The following STAT4 variants were observed in gnomAD, a reference collection of about 807,000 sequenced individuals.
STAT4 encodes signal transducer and activator of transcription 4.
STAT4 carries 42 observed loss-of-function variants against 110.5 expected under a neutral mutation model. That is an observed-to-expected ratio of 0.38 (90% confidence interval 0.30 to 0.49). The LOEUF (loss-of-function observed/expected upper bound fraction) is 0.49, where lower values mean the gene tolerates loss of function less well. Among genes scored for constraint, STAT4 ranks in the 20% least tolerant of loss-of-function variants. The pLI, the probability that STAT4 is intolerant of heterozygous loss-of-function variation, is 0.95. For synonymous variants in STAT4, 284 were observed against 302.2 expected, an observed-to-expected ratio of 0.94 and a Z score of 0.63; for missense variants, 632 against 887.9, an observed-to-expected ratio of 0.71 and a Z score of 3.66.
intron 8 of STAT4, among the ~76,000 whole-genome samples, chr2:191,063,161 T>C: frequency 6.6e-6 from 1 of 152,212 alleles, no homozygotes; most frequent in African/African-American, 2.4e-5. Flanking sequence ...CCTTCAATTA[T>C]ATATGTCATC....
rs1335989493 is a variant in STAT4 at position 191,086,101 on chromosome 2, C to A, written c.274-9776G>T. 6.6e-6 allele frequency among the ~76,000 whole-genome samples: 1 copy of A among 152,142 alleles called. No individual in the cohort carries two copies. Among genetic ancestry groups the A allele is most frequent in the African/African-American group, 2.4e-5 (1 of 41,438 alleles). On this transcript the variant is annotated intron_variant, in intron 3 of 23. Transcript: ENST00000392320. This position sits in a 1 kb window ranked among gnomAD's most constrained non-coding sequence, Gnocchi z 5.5. ...TAATCTCTTTTCTTCTGTAAGAGGA[C>A]ACACTGAAGACACTGGCTATTTTAC...
intron 3 of STAT4, among the ~76,000 whole-genome samples, chr2:191,095,765 G>A (rs1046207087): frequency 1.3e-5 from 2 of 152,136 alleles, no homozygotes; most frequent in African/African-American, 4.8e-5. Context: ...ACTAAGATCA[G>A]AGCAGAACTG....
intron 13 of STAT4, among the ~76,000 whole-genome samples, chr2:191,056,290 T>C (rs931444085): frequency 1.3e-5 from 2 of 151,914 alleles, no homozygotes; most frequent in African/African-American, 4.8e-5. Context: ...AATAGTAGGG[T>C]CTTTGGGAAT....
intron 5 of STAT4, among the ~76,000 whole-genome samples, chr2:191,071,923 C>T (rs1697170532): frequency 6.6e-6 from 1 of 152,116 alleles, no homozygotes; most frequent in Non-Finnish European, 1.5e-5. Flanking sequence ...TTGAGAAACC[C>T]AGGAGCATAA....
Position 191,076,338 on chromosome 2 carries a change from A to C in STAT4, c.274-13T>G. 1 of 1,582,634 alleles carries C rather than the reference A, an allele frequency of 6.3e-7. No homozygotes were observed. The highest frequency in any genetic ancestry group is 1.1e-5 in the South Asian group (1 of 87,010). ...CATGAAATTTTCCCTGAAAAAAAAA[A>C]CAATGAGCAAAAATAACTAACGTAA... On this transcript the variant is annotated splice_polypyrimidine_tract_variant and intron_variant, in intron 3 of 23. Coordinates refer to ENST00000392320, the MANE Select transcript of STAT4 (RefSeq NM_003151.4).
chr2:191,085,024 T>C (rs982651743), intron 3 of STAT4, among the ~76,000 whole-genome samples: 1 of 151,416 alleles, frequency 6.6e-6, no homozygotes, highest in African/African-American at 2.4e-5. Context: ...TAGAAAATAG[T>C]AAAATATTTT....
chr2:191,040,099 C>T (rs1696147788), intron 15 of STAT4, among the ~76,000 whole-genome samples: 2 of 152,160 alleles, frequency 1.3e-5, no homozygotes, highest in African/African-American at 4.8e-5. Context: ...CAATATACTC[C>T]ACAATAGGAT....
chr2:191,103,391 T>C (rs1164877443), intron 3 of STAT4, among the ~76,000 whole-genome samples: 5 of 152,170 alleles, frequency 3.3e-5, no homozygotes, highest in Non-Finnish European at 7.4e-5. Flanking sequence ...TGTGTTTGCC[T>C]TTTTGTCTTC....
intron 3 of STAT4, among the ~76,000 whole-genome samples, chr2:191,129,490 T>C (rs1439100614): frequency 6.6e-6 from 1 of 152,142 alleles, no homozygotes; most frequent in Non-Finnish European, 1.5e-5. Flanking sequence ...AACTTCTACT[T>C]GGGCTGCTTA....
chr2:191,058,347 G>T lies in STAT4; in HGVS notation c.1095-128C>A. 1.0e-6 allele frequency: 1 copy of T among 953,294 alleles called. No individual in the cohort carries two copies. The highest frequency in any genetic ancestry group is 1.5e-6 in the Non-Finnish European group (1 of 650,404). The allele number at this position is 953,294 out of a possible 1,614,324, so 59.1% of individuals were successfully genotyped here. A position where few individuals can be genotyped will look rare whatever the true frequency, so the allele number is the denominator to read the frequency against. ...GAGTCTCGCTCTGTCGTCCAGGCTG[G>T]AGTGCAGTGGTGCAATCTTGGCTCA... On this transcript the variant is annotated intron_variant, in intron 11 of 23. Transcript: ENST00000392320. The surrounding 1 kb of genome is among the most constrained non-coding windows in gnomAD (Gnocchi z 4.3).
At chr2:191,106,647 AAAAAT>A (rs199803507) in intron 3 of STAT4, among the ~76,000 whole-genome samples, 2,087 of 127,276 alleles carry the variant, frequency 0.016, 28 homozygotes, top group African/African-American at 0.035. Context: ...ACTCCATCTC[AAAAAT>A]AAAATAAAAT....
At chr2:191,141,118 C>T (rs1489389292) in intron 3 of STAT4, among the ~76,000 whole-genome samples, 2 of 151,930 alleles carry the variant, frequency 1.3e-5, no homozygotes, top group Non-Finnish European at 2.9e-5. Context: ...GGATAAAAGA[C>T]TACATATTGA....
chr2:191,131,658 C>A, intron 3 of STAT4: 1 of 787,260 alleles, frequency 1.3e-6, no homozygotes, highest in Non-Finnish European at 1.7e-6. Context: ...CAAGAGGCTT[C>A]AAAGGTAATG....
chr2:191,088,813 G>A (rs534378983), intron 3 of STAT4, among the ~76,000 whole-genome samples: 3 of 152,288 alleles, frequency 2.0e-5, no homozygotes, highest in East Asian at 3.9e-4. Flanking sequence ...GGGCAAATGC[G>A]ACACAACAGA....
rs945101850 is a variant in STAT4, at chr2:191,138,677, T to C, written c.273+7936A>G. 6.6e-6 allele frequency among the ~76,000 whole-genome samples: 1 copy of C among 152,108 alleles called. No individual in the cohort carries two copies. The highest frequency in any genetic ancestry group is 6.5e-5 in the Admixed American group (1 of 15,274). Reference sequence around the variant, plus strand: ...ATTCACAGCTGAATTCTATCAGACATTCAAAGAAGAATTGGTACCAGTCCC... The same window carrying C: ...ATTCACAGCTGAATTCTATCAGACACTCAAAGAAGAATTGGTACCAGTCCC... On this transcript the variant is annotated intron_variant, in intron 3 of 23. Transcript: ENST00000392320. The surrounding 1 kb of genome is among the most constrained non-coding windows in gnomAD (Gnocchi z 4.3).
intron 3 of STAT4, among the ~76,000 whole-genome samples, chr2:191,101,045 C>T (rs1044844938): frequency 1.3e-5 from 2 of 152,088 alleles, no homozygotes; most frequent in African/African-American, 4.8e-5. Context: ...CCTGTCAAAT[C>T]TCTACCCTGC....
intron 3 of STAT4, among the ~76,000 whole-genome samples, chr2:191,133,500 A>AT (rs1699098745): frequency 6.6e-6 from 1 of 151,602 alleles, no homozygotes; most frequent in Non-Finnish European, 1.5e-5. Flanking sequence ...CAGCAGTAGT[A>AT]ATTCCACCTT....
At chr2:191,069,193 G>C (rs1164462404) in intron 6 of STAT4, among the ~76,000 whole-genome samples, 1 of 151,986 alleles carries the variant, frequency 6.6e-6, no homozygotes, top group East Asian at 1.9e-4. Flanking sequence ...TCTGTAGATA[G>C]TGCGATTTCA....
At chr2:191,096,989 G>T (rs1262782534) in intron 3 of STAT4, among the ~76,000 whole-genome samples, 4 of 152,108 alleles carry the variant, frequency 2.6e-5, no homozygotes, top group Admixed American at 1.3e-4. Flanking sequence ...GACAAACAGA[G>T]AGCCAAATCA....
Sources: allele counts gnomAD v4.1 joint callset (sites outside exome capture counted in the v4.1 genomes callset), GRCh38; gene constraint gnomAD v4.1.1; non-coding constraint Gnocchi (gnomAD v3.1); transcripts MANE v1.5; gene names NCBI Gene and HGNC (gene_info 2026-07-23, HGNC 2026-07-21).